KLHL29: variants seen among roughly 807,000 people sequenced by gnomAD.
KLHL29 encodes kelch like family member 29, also known as kelch-like protein 29.
KLHL29 carries 21 observed loss-of-function variants against 80.4 expected under a neutral mutation model. That is an observed-to-expected ratio of 0.26 (90% CI 0.19 to 0.38). The LOEUF (loss-of-function observed/expected upper bound fraction) is 0.38, where lower values mean the gene tolerates loss of function less well. KLHL29 is among the 10% of genes least tolerant of loss of function. KLHL29 has a pLI of 1.00. For synonymous variants in KLHL29, 511 were observed against 526.8 expected (o/e 0.97, Z 0.41); for missense variants, 867 against 1,223.9 (o/e 0.71, Z 4.35).
chr2:23,407,907 T>TTTGTTG (rs542756988), intron 1 of KLHL29, among the ~76,000 whole-genome samples: 30 of 152,022 alleles, frequency 2.0e-4, no homozygotes, highest in African/African-American at 6.7e-4. Flanking sequence ...TGTTGGGTTT[T>TTTGTTG]TTGTTGTTGT....
chr2:23,569,853 C>T (rs1667675003), intron 3 of KLHL29, among the ~76,000 whole-genome samples: 2 of 152,194 alleles, frequency 1.3e-5, no homozygotes, highest in Non-Finnish European at 2.9e-5. Context: ...TGACCCTATC[C>T]TTGTTCTTCT....
At chr2:23,423,804 A>C (rs1244496850) in intron 1 of KLHL29, among the ~76,000 whole-genome samples, 1 of 152,196 alleles carries the variant, frequency 6.6e-6, no homozygotes, top group African/African-American at 2.4e-5. Flanking sequence ...AGGTAACCCC[A>C]GCACAACGAT....
intron 2 of KLHL29, among the ~76,000 whole-genome samples, chr2:23,500,200 G>T (rs941224114): frequency 6.6e-6 from 1 of 152,188 alleles, no homozygotes; most frequent in Non-Finnish European, 1.5e-5. Context: ...ACAGTGGTGC[G>T]TTCGTGTCAA....
rs529932152 is a variant in KLHL29 at position 23,516,725 on chromosome 2, C to A, written c.-46+41058C>A. Among the ~76,000 whole-genome samples, 16 of 152,338 alleles carry A rather than the reference C, an allele frequency of 1.1e-4. No individual in the cohort carries two copies. The East Asian group carries it at 2.5e-3, about 24-fold the overall frequency. On this transcript the variant is annotated intron_variant, in intron 2 of 13. Coordinates refer to ENST00000486442, the MANE Select transcript of KLHL29 (RefSeq NM_052920.2). ...GGGGCTGGGAAGTGGACCCTCGAGC[C>A]GGTTGGCCAATCAGCAGGTCCTCCA... is the stretch of plus-strand genomic sequence containing the variant.
At chr2:23,632,746 G>A (rs534462664) in intron 3 of KLHL29, among the ~76,000 whole-genome samples, 1 of 152,268 alleles carries the variant, frequency 6.6e-6, no homozygotes, top group African/African-American at 2.4e-5. Flanking sequence ...TTCACCACCA[G>A]TGCTGGGCTG....
At chr2:23,652,312 T>G (rs1670108655) in intron 5 of KLHL29, among the ~76,000 whole-genome samples, 1 of 152,254 alleles carries the variant, frequency 6.6e-6, no homozygotes, top group African/African-American at 2.4e-5. Context: ...GGAGGGAACC[T>G]ACCGTCACCA....
intron 1 of KLHL29, among the ~76,000 whole-genome samples, chr2:23,461,978 T>TTTTTTTTTTA (rs1664223171): frequency 6.8e-6 from 1 of 147,582 alleles, no homozygotes; most frequent in Admixed American, 6.8e-5. Flanking sequence ...TTTTTGCCAT[T>TTTTTTTTTTA]TTTTTTTTTT....
intron 2 of KLHL29, among the ~76,000 whole-genome samples, chr2:23,483,886 T>G (rs749783665): frequency 6.6e-5 from 10 of 152,134 alleles, no homozygotes; most frequent in Admixed American, 3.3e-4. Flanking sequence ...ACTCCTTATT[T>G]TGAAGCCTAA....
chr2:23,390,103 T>C (rs1303299845), intron 1 of KLHL29, among the ~76,000 whole-genome samples: 1 of 152,226 alleles, frequency 6.6e-6, no homozygotes, highest in East Asian at 1.9e-4. Flanking sequence ...ATGCAGCCTG[T>C]ACTTTCTTCA....
intron 1 of KLHL29, among the ~76,000 whole-genome samples, chr2:23,461,259 G>C (rs1664201703): frequency 6.6e-6 from 1 of 152,218 alleles, no homozygotes; most frequent in Non-Finnish European, 1.5e-5. Flanking sequence ...TACGTGAGTA[G>C]TAACTGCAGG....
intron 2 of KLHL29, among the ~76,000 whole-genome samples, chr2:23,515,005 G>T (rs901481069): frequency 6.6e-6 from 1 of 152,136 alleles, no homozygotes; most frequent in Admixed American, 6.5e-5. Flanking sequence ...AAAAACTAGG[G>T]TTCATCTGAG....
At chr2:23,654,637 G>A (rs577263531) in intron 5 of KLHL29, among the ~76,000 whole-genome samples, 1 of 149,234 alleles carries the variant, frequency 6.7e-6, no homozygotes, top group African/African-American at 2.5e-5. Flanking sequence ...TGCCATTCCA[G>A]GGAAGCCGGT....
chr2:23,568,503 C>T (rs1667643108), intron 3 of KLHL29, among the ~76,000 whole-genome samples: 2 of 152,186 alleles, frequency 1.3e-5, no homozygotes, highest in Admixed American at 6.5e-5. Context: ...CCTTTGTGGC[C>T]TGTCATCCTC....
intron 3 of KLHL29, among the ~76,000 whole-genome samples, chr2:23,580,366 T>C (rs6544967): frequency 0.82 from 113,513 of 138,776 alleles, 46,164 homozygotes; most frequent in East Asian, 1. Context: ...AGTGAGACTC[T>C]GTCTCATAAA....
chr2:23,437,944 A>G (rs1663393809), intron 1 of KLHL29, among the ~76,000 whole-genome samples: 3 of 146,972 alleles, frequency 2.0e-5, no homozygotes, highest in Admixed American at 1.4e-4. Flanking sequence ...ACCCATGAGC[A>G]TGGAATGTTC....
chr2:23,505,525 G>A (rs1261683490), intron 2 of KLHL29, among the ~76,000 whole-genome samples: 1 of 152,130 alleles, frequency 6.6e-6, no homozygotes, highest in Admixed American at 6.5e-5. Flanking sequence ...GCCTCTTAAG[G>A]TGGACTCTGG....
rs926206985 is a variant in KLHL29, at chr2:23,684,274, C to G, written c.941-125C>G. 14 of 704,048 alleles carry G rather than the reference C, an allele frequency of 2.0e-5. No individual in the cohort carries two copies. Among genetic ancestry groups the G allele is most frequent in the Non-Finnish European group, 2.7e-5 (13 of 486,056 alleles). The allele number at this position is 704,048 out of a possible 1,614,324, so 43.6% of individuals were successfully genotyped here. On this transcript the variant is annotated intron_variant, in intron 5 of 13. Coordinates refer to ENST00000486442, the MANE Select transcript of KLHL29 (RefSeq NM_052920.2). The surrounding 1 kb of genome is among the most constrained non-coding windows in gnomAD (Gnocchi z 4.4). The stretch of plus-strand genomic sequence containing the variant: ...ACTGTCAGTGTTGAGCCAGTCTTGC[C>G]AAGAAACAATATCAAGTATTTCCTA...
chr2:23,465,272 C>T (rs569845408), intron 1 of KLHL29, among the ~76,000 whole-genome samples: 1 of 152,300 alleles, frequency 6.6e-6, no homozygotes, highest in East Asian at 1.9e-4. Context: ...GGAGCCCTGG[C>T]ATCCTGCTAG....
chr2:23,565,868 A>G lies in KLHL29; in HGVS notation c.285+3387A>G, dbSNP rs554516671. Among the ~76,000 whole-genome samples the G allele has an allele frequency of 2.6e-5, 4 of 152,346 alleles. No homozygotes were observed. The East Asian group carries it at 7.7e-4, about 29-fold the overall frequency. On this transcript the variant is annotated intron_variant, in intron 3 of 13. Transcript: ENST00000486442. ...AAGTGACTGGGGGACTAGTGTCAGTACTGTGAGGCCTTAGTGTCCCCTCTT... is the reference window on the plus strand; with the variant it reads ...AAGTGACTGGGGGACTAGTGTCAGTGCTGTGAGGCCTTAGTGTCCCCTCTT...
Sources: allele counts gnomAD v4.1 joint callset (sites outside exome capture counted in the v4.1 genomes callset), GRCh38; gene constraint gnomAD v4.1.1; non-coding constraint Gnocchi (gnomAD v3.1); transcripts MANE v1.5; gene names NCBI Gene and HGNC (gene_info 2026-07-23, HGNC 2026-07-21).